Variants in NOVA1 observed in about 807,000 individuals in gnomAD.
The protein encoded by NOVA1 is NOVA alternative splicing regulator 1, also known as RNA-binding protein Nova-1.
Under a neutral mutation model 38.0 loss-of-function variants are expected in NOVA1, and 7 were observed. That is an observed-to-expected ratio of 0.18 (90% CI 0.10 to 0.35). NOVA1 has a LOEUF of 0.35. Ranked by LOEUF, NOVA1 falls within the 10% of genes least tolerant of loss-of-function variation. The probability of loss-of-function intolerance (pLI) is 1.00; values close to 1 mark genes in which losing one functional copy is unlikely to be tolerated. For missense variants in NOVA1, 460 were observed against 616.0 expected, an observed-to-expected ratio of 0.75 and a Z score of 2.68; for synonymous variants, 270 against 232.5, an observed-to-expected ratio of 1.16 and a Z score of -1.47.
At chr14:26,449,947 AAT>A (rs1882499652) in intron 4 of NOVA1, among the ~76,000 whole-genome samples, 1 of 152,138 alleles carries the variant, frequency 6.6e-6, no homozygotes, top group African/African-American at 2.4e-5. Context: ...ATATCAAATC[AAT>A]ATGACATTTT....
chr14:26,470,837 T>C (rs944312737), intron 4 of NOVA1, among the ~76,000 whole-genome samples: 6 of 152,080 alleles, frequency 3.9e-5, no homozygotes, highest in Non-Finnish European at 7.4e-5. Context: ...TGTATTGTGG[T>C]TGTGTTTGTC....
chr14:26,538,056 C>T (rs1163403380), intron 2 of NOVA1, among the ~76,000 whole-genome samples: 3 of 152,052 alleles, frequency 2.0e-5, no homozygotes, highest in South Asian at 2.1e-4. Context: ...ACAGCATAAA[C>T]GGCAGGGGGA....
At chr14:26,553,028 G>A (rs7149870) in intron 2 of NOVA1, among the ~76,000 whole-genome samples, 7,338 of 152,168 alleles carry the variant, frequency 0.048, 540 homozygotes, top group African/African-American at 0.16. Flanking sequence ...GTTTTAGAAA[G>A]CCATTACAGT....
chr14:26,568,118 A>G (rs1032130289), intron 2 of NOVA1, among the ~76,000 whole-genome samples: 4 of 152,202 alleles, frequency 2.6e-5, no homozygotes, highest in Non-Finnish European at 5.9e-5. Context: ...TTTAGGTAAA[A>G]CAGAAAATGT....
intron 2 of NOVA1, among the ~76,000 whole-genome samples, chr14:26,503,654 A>T (rs926132424): frequency 6.6e-6 from 1 of 152,066 alleles, no homozygotes; most frequent in East Asian, 1.9e-4. Flanking sequence ...ACAAGCAAAC[A>T]ATTAGAAAAG....
rs997586938 is a variant in NOVA1 at position 26,571,111 on chromosome 14, T to C, written c.280+24299A>G. On this transcript the variant is annotated intron_variant, in intron 2 of 4. Coordinates refer to ENST00000539517, the MANE Select transcript of NOVA1 (RefSeq NM_002515.3). ...TGGTTTACAGGTTAAATAATATGGA[T>C]TAAAATATTTTGAATTAAATAATAT... Among the ~76,000 whole-genome samples, 4 of 151,502 alleles carry C rather than the reference T, an allele frequency of 2.6e-5. 1 individual carries two copies. Among genetic ancestry groups the C allele is most frequent in the Non-Finnish European group, 5.9e-5 (4 of 67,850 alleles).
intron 2 of NOVA1, among the ~76,000 whole-genome samples, chr14:26,577,362 C>A (rs892459279): frequency 3.9e-5 from 6 of 151,992 alleles, no homozygotes; most frequent in Non-Finnish European, 7.4e-5. Context: ...AAACATGAAT[C>A]TAGATTTCCC....
intron 2 of NOVA1, among the ~76,000 whole-genome samples, chr14:26,510,208 CA>C (rs1177176485): frequency 6.6e-6 from 1 of 152,080 alleles, no homozygotes; most frequent in Non-Finnish European, 1.5e-5. Flanking sequence ...TCCTTCTATA[CA>C]GCACACACAA....
intron 2 of NOVA1, among the ~76,000 whole-genome samples, chr14:26,576,435 T>C (rs1892847894): frequency 6.6e-6 from 1 of 151,766 alleles, no homozygotes. Context: ...CAGGCATAAA[T>C]GTACAGTATC....
At chr14:26,589,691 A>G (rs905419438) in intron 2 of NOVA1, among the ~76,000 whole-genome samples, 1 of 151,810 alleles carries the variant, frequency 6.6e-6, no homozygotes, top group African/African-American at 2.4e-5. Flanking sequence ...CATGTTTTAC[A>G]TATGTACTGG....
chr14:26,511,500 A>C (rs1318936333), intron 2 of NOVA1, among the ~76,000 whole-genome samples: 2 of 152,008 alleles, frequency 1.3e-5, no homozygotes, highest in Admixed American at 1.3e-4. Flanking sequence ...GGGCGCGGTG[A>C]CTCATGCCTG....
intron 2 of NOVA1, among the ~76,000 whole-genome samples, chr14:26,551,528 A>G (rs980018681): frequency 6.6e-5 from 10 of 152,092 alleles, no homozygotes; most frequent in South Asian, 2.1e-4. Flanking sequence ...AATGTTAAGT[A>G]TAAGTTTTAG....
intron 2 of NOVA1, among the ~76,000 whole-genome samples, chr14:26,538,679 C>T (rs1890265269): frequency 6.6e-6 from 1 of 151,880 alleles, no homozygotes; most frequent in South Asian, 2.1e-4. Context: ...AATGCTCTTG[C>T]CCCCCACTCC....
At chr14:26,593,033 C>T (rs922667307) in intron 2 of NOVA1, 7 of 151,756 alleles carry the variant, frequency 4.6e-5, no homozygotes, top group African/African-American at 1.7e-4. Flanking sequence ...ATGAAATAAA[C>T]ATTAGGCATA....
intron 2 of NOVA1, among the ~76,000 whole-genome samples, chr14:26,570,303 C>T (rs1003563443): frequency 3.3e-5 from 5 of 151,698 alleles, no homozygotes; most frequent in Non-Finnish European, 1.5e-5. Flanking sequence ...GCCATGATCG[C>T]GCCACTGCAC....
chr14:26,530,598 C>T (rs1162005391), intron 2 of NOVA1, among the ~76,000 whole-genome samples: 1 of 152,088 alleles, frequency 6.6e-6, no homozygotes, highest in East Asian at 1.9e-4. Flanking sequence ...GTTTATTCTA[C>T]ATCTACTGTT....
intron 2 of NOVA1, among the ~76,000 whole-genome samples, chr14:26,542,614 C>A (rs1029508495): frequency 6.6e-6 from 1 of 150,964 alleles, no homozygotes; most frequent in East Asian, 1.9e-4. Flanking sequence ...GAATATTATT[C>A]TTTTACAACC....
At chr14:26,484,734 C>T (rs1263308342) in intron 2 of NOVA1, among the ~76,000 whole-genome samples, 1 of 152,152 alleles carries the variant, frequency 6.6e-6, no homozygotes, top group Non-Finnish European at 1.5e-5. Context: ...ATCTAATCTT[C>T]AAGTCTTCAT....
intron 2 of NOVA1, among the ~76,000 whole-genome samples, chr14:26,487,303 A>G (rs1354307125): frequency 6.6e-6 from 1 of 152,234 alleles, no homozygotes; most frequent in Non-Finnish European, 1.5e-5. Flanking sequence ...CGCATACGGA[A>G]TAACTTAAAA....
Sources: gnomAD v4.1 joint callset for allele counts (sites outside exome capture counted in the v4.1 genomes callset) on GRCh38, gnomAD v4.1.1 for gene constraint, MANE v1.5 for transcripts, NCBI Gene and HGNC (gene_info 2026-07-23, HGNC 2026-07-21) for gene names.